SLC17A6: variants seen among roughly 807,000 people sequenced by gnomAD.
SLC17A6 encodes vesicular glutamate transporter 2.
A neutral mutation model predicts 67.1 loss-of-function variants in SLC17A6; 35 were observed. The observed-to-expected ratio is 0.52, with a 90% CI of 0.40 to 0.69. The LOEUF is 0.69. Ranked by LOEUF, SLC17A6 falls within the 30% of genes least tolerant of loss-of-function variation. The probability of loss-of-function intolerance (pLI) is 0.00; values close to 1 mark genes in which losing one functional copy is unlikely to be tolerated. For synonymous variants in SLC17A6, 285 were observed against 252.3 expected (o/e 1.13, Z -1.23); for missense variants, 588 against 723.9 (o/e 0.81, Z 2.15).
At position 22,369,763 on chromosome 11, in the gene SLC17A6, T is replaced by C. The variant is rs17233895; in HGVS notation, c.892-276T>C. ...CTTAAGAAACTAGGACCTATGCTTT[T>C]GGAATCAATTTTCTATAATTATGTA... On this transcript the variant is annotated intron_variant, in intron 7 of 11. Coordinates refer to ENST00000263160, the MANE Select transcript of SLC17A6 (RefSeq NM_020346.3). Among the ~76,000 whole-genome samples the C allele has an allele frequency of 8.0e-3, 1,220 of 152,102 alleles. 6 individuals carry two copies. Among genetic ancestry groups the C allele is most frequent in the Admixed American group, 0.012 (189 of 15,250 alleles).
chr11:22,379,329 A>T lies in SLC17A6; in HGVS notation c.*1589A>T, dbSNP rs944490597. 2.2e-4 allele frequency: 34 copies of T among 152,418 alleles called. No individual in the cohort carries two copies. The highest frequency in any genetic ancestry group is 8.2e-4 in the African/African-American group (34 of 41,390). The allele number at this position is 152,418 out of a possible 1,614,324, so 9.4% of individuals were successfully genotyped here. A position where few individuals can be genotyped will look rare whatever the true frequency, so the allele number is the denominator to read the frequency against. ...CAAATATAAAACATAAAGTTTGTTT[A>T]AAAAAATGCAAATCATTCTTTACCT... On this transcript the variant is annotated 3_prime_UTR_variant, in exon 12 of 12. Transcript: ENST00000263160.
chr11:22,341,107 A>G (rs1483349106), intron 1 of SLC17A6, among the ~76,000 whole-genome samples: 1 of 152,170 alleles, frequency 6.6e-6, no homozygotes, highest in Admixed American at 6.5e-5. Flanking sequence ...AGTCAGGGTA[A>G]AGCCCTGCTG....
chr11:22,361,974 G>A (rs1856057643), intron 5 of SLC17A6, among the ~76,000 whole-genome samples: 1 of 151,998 alleles, frequency 6.6e-6, no homozygotes, highest in African/African-American at 2.4e-5. Flanking sequence ...ACATGCATTT[G>A]AGTCTAAATC....
Position 22,377,628 on chromosome 11 carries a change from C to A in SLC17A6, c.1637C>A (p.Ala546Asp). Residue 546 changes from alanine to aspartate, a missense_variant, in exon 12 of 12, where the codon GCC (alanine) becomes GAC (aspartate). This residue lies in a region of SLC17A6 where 414 missense variants were observed against 563.4 expected (regional missense o/e 0.73). Transcript: ENST00000263160. ...INYGTTKSYG[A>D]TTQANGGWPS... is the part of the protein sequence containing the mutation. ...TATGGTACCACCAAGTCTTATGGTGCCACAACACAGGCCAATGGAGGTTGG... is the reference window on the plus strand; with the variant it reads ...TATGGTACCACCAAGTCTTATGGTGACACAACACAGGCCAATGGAGGTTGG... 6.2e-7 allele frequency: 1 copy of A among 1,614,000 alleles called. No individual in the cohort carries two copies. The highest frequency in any genetic ancestry group is 8.5e-7 in the Non-Finnish European group (1 of 1,179,968).
At chr11:22,369,703 A>G (rs910144348) in intron 7 of SLC17A6, among the ~76,000 whole-genome samples, 1 of 151,824 alleles carries the variant, frequency 6.6e-6, no homozygotes, top group Admixed American at 6.6e-5. Context: ...ATGGTCTATC[A>G]CCATTAAAAA....
chr11:22,348,492 C>T (rs1224561993), intron 3 of SLC17A6, among the ~76,000 whole-genome samples: 1 of 152,130 alleles, frequency 6.6e-6, no homozygotes, highest in Non-Finnish European at 1.5e-5. Flanking sequence ...TTGATAATGA[C>T]TAAGATGAAG....
At chr11:22,369,931 T>G (rs1157739007) in intron 7 of SLC17A6, 108 bp from the exon 8 acceptor site, 1 of 993,156 alleles carries the variant, frequency 1.0e-6, no homozygotes, top group African/African-American at 1.7e-5. Flanking sequence ...TCCTACTTCC[T>G]ACTTATGACC....
intron 3 of SLC17A6, among the ~76,000 whole-genome samples, chr11:22,359,065 C>T (rs927864208): frequency 2.0e-5 from 3 of 152,182 alleles, no homozygotes; most frequent in Admixed American, 6.5e-5. Flanking sequence ...CAAGCTCTTA[C>T]CCTTAAGCAG....
At chr11:22,354,426 C>A (rs556624865) in intron 3 of SLC17A6, among the ~76,000 whole-genome samples, 1 of 152,184 alleles carries the variant, frequency 6.6e-6, no homozygotes, top group East Asian at 1.9e-4. Flanking sequence ...AGTTCCACTA[C>A]TTCTTTCATT....
At chr11:22,366,047 T>C (rs938703282) in intron 7 of SLC17A6, among the ~76,000 whole-genome samples, 1 of 152,180 alleles carries the variant, frequency 6.6e-6, no homozygotes, top group African/African-American at 2.4e-5. Flanking sequence ...AAAATGGCAA[T>C]TTTTGGTTTG....
At chr11:22,372,672 G>A (rs115772379) in intron 8 of SLC17A6, among the ~76,000 whole-genome samples, 1 of 152,022 alleles carries the variant, frequency 6.6e-6, no homozygotes, top group Non-Finnish European at 1.5e-5. Context: ...ACCCAGAAAA[G>A]CTAAAAGAAG....
chr11:22,366,071 T>TC (rs1564984905), intron 7 of SLC17A6, among the ~76,000 whole-genome samples: 1 of 151,980 alleles, frequency 6.6e-6, no homozygotes, highest in Non-Finnish European at 1.5e-5. Flanking sequence ...AATACAGTAG[T>TC]CCCCCCGCAT....
Position 22,345,213 on chromosome 11 carries a change from TA to T in SLC17A6, c.458+1859del, listed in dbSNP as rs557011134. On this transcript the variant is annotated intron_variant, in intron 3 of 11. Coordinates refer to ENST00000263160, the MANE Select transcript of SLC17A6 (RefSeq NM_020346.3). The stretch of plus-strand genomic sequence containing the variant: ...AAACGGGTTTTTCCGATTATTTAAA[TA>T]AAAAAAAAAAGCAAACTCATTATTA... Among the ~76,000 whole-genome samples, 277 of 133,734 alleles carry T rather than the reference TA, an allele frequency of 2.1e-3. 2 individuals carry two copies. Among genetic ancestry groups the T allele is most frequent in the Admixed American group, 2.9e-3 (39 of 13,274 alleles). The allele number at this position is 133,734 out of a possible 152,430, so 87.7% of individuals were successfully genotyped here.
In SLC17A6 at chr11:22,350,458, C is replaced by CAAA. The variant is rs3047444; in HGVS notation, c.458+7100_458+7102dup. ...ATGTTATTTGCTGCAGAGGAAATCA[C>CAAA]AAAAAAAAACCCAACAATTTTAAGT... On this transcript the variant is annotated intron_variant, in intron 3 of 11. Coordinates refer to ENST00000263160, the MANE Select transcript of SLC17A6 (RefSeq NM_020346.3). Among the ~76,000 whole-genome samples the CAAA allele has an allele frequency of 2.6e-3, 383 of 149,980 alleles. 1 individual carries two copies. The highest frequency in any genetic ancestry group is 8.1e-3 in the African/African-American group (332 of 40,924).
intron 3 of SLC17A6, among the ~76,000 whole-genome samples, chr11:22,355,150 G>A (rs1855982318): frequency 6.6e-6 from 1 of 152,116 alleles, no homozygotes; most frequent in South Asian, 2.1e-4. Flanking sequence ...GAGAAATGAG[G>A]AACAGAAAGT....
At chr11:22,341,018 G>T (rs956684321) in intron 1 of SLC17A6, among the ~76,000 whole-genome samples, 1 of 152,208 alleles carries the variant, frequency 6.6e-6, no homozygotes, top group Non-Finnish European at 1.5e-5. Flanking sequence ...AAGGCAGCGC[G>T]GGTGGGAAAG....
intron 3 of SLC17A6, among the ~76,000 whole-genome samples, chr11:22,344,978 G>GA (rs1033280885): frequency 1.3e-4 from 20 of 149,814 alleles, no homozygotes; most frequent in South Asian, 8.5e-4. Flanking sequence ...CACTGCAGGA[G>GA]AAAAAAAAAT....
chr11:22,347,345 C>A (rs1855889615), intron 3 of SLC17A6, among the ~76,000 whole-genome samples: 1 of 152,024 alleles, frequency 6.6e-6, no homozygotes, highest in South Asian at 2.1e-4. Context: ...GTGATTTATC[C>A]CCTTTACACC....
At chr11:22,352,052 G>T (rs1466934424) in intron 3 of SLC17A6, among the ~76,000 whole-genome samples, 4 of 144,966 alleles carry the variant, frequency 2.8e-5, no homozygotes, top group Non-Finnish European at 4.5e-5. Flanking sequence ...ATTAATGAAT[G>T]GTGAGGTTCT....
Sources: allele counts gnomAD v4.1 joint callset (sites outside exome capture counted in the v4.1 genomes callset), GRCh38; gene constraint gnomAD v4.1.1; regional missense constraint gnomAD v4.1.1; transcripts MANE v1.5; gene names NCBI Gene and HGNC (gene_info 2026-07-23, HGNC 2026-07-21).